NRG1: variants seen among roughly 807,000 people sequenced by gnomAD.
NRG1 encodes neuregulin 1.
In NRG1, 18 loss-of-function variants were observed where a neutral mutation model predicts 63.8. The observed-to-expected ratio is 0.28, with a 90% confidence interval of 0.19 to 0.42. The LOEUF (loss-of-function observed/expected upper bound fraction) is 0.42. Ranked by LOEUF, NRG1 falls within the 10% of genes least tolerant of loss-of-function variation. The pLI is 1.00. For missense variants in NRG1, 762 were observed against 814.7 expected (o/e 0.94, Z 0.79); for synonymous variants, 302 against 301.3 (o/e 1.00, Z -0.02).
chr8:32,677,640 G>C (rs1807490203), intron 5 of NRG1, among the ~76,000 whole-genome samples: 1 of 151,978 alleles, frequency 6.6e-6, no homozygotes, highest in Non-Finnish European at 1.5e-5. Context: ...CTGGGTGACA[G>C]AGCCAGACCC....
intron 7 of NRG1, among the ~76,000 whole-genome samples, chr8:32,746,867 C>CTT (rs376346951): frequency 0.08 from 10,169 of 127,206 alleles, 498 homozygotes; most frequent in Non-Finnish European, 0.096. Flanking sequence ...GTGTATTCTG[C>CTT]TTTTTTTTTT....
At chr8:32,116,449 A>C (rs111298064) in intron 1 of NRG1, among the ~76,000 whole-genome samples, 1 of 152,130 alleles carries the variant, frequency 6.6e-6, no homozygotes, top group African/African-American at 2.4e-5. Flanking sequence ...TCCTGGATGG[A>C]GCTCTTCACC....
chr8:32,635,246 G>A (rs1366633153), intron 5 of NRG1, among the ~76,000 whole-genome samples: 2 of 152,122 alleles, frequency 1.3e-5, no homozygotes, highest in Non-Finnish European at 2.9e-5. Context: ...TCACAGATAC[G>A]GTCATTTAGT....
chr8:32,659,607 C>A (rs2128871372), intron 5 of NRG1, among the ~76,000 whole-genome samples: 1 of 152,174 alleles, frequency 6.6e-6, no homozygotes, highest in Middle Eastern at 3.4e-3. Flanking sequence ...ATTTTCATTT[C>A]TTGAGGACAC....
At chr8:31,933,855 G>A (rs550581755) in intron 1 of NRG1, among the ~76,000 whole-genome samples, 1 of 152,260 alleles carries the variant, frequency 6.6e-6, no homozygotes, top group Admixed American at 6.5e-5. Context: ...GTAGTCAATA[G>A]TAACATTGAA....
At chr8:32,374,683 C>T (rs1339774240) in intron 1 of NRG1, among the ~76,000 whole-genome samples, 2 of 152,082 alleles carry the variant, frequency 1.3e-5, no homozygotes, top group Non-Finnish European at 2.9e-5. Flanking sequence ...TTTCATTGTC[C>T]CAATGAGACA....
chr8:31,731,417 T>TACACACAC (rs139927733), intron 1 of NRG1, among the ~76,000 whole-genome samples: 1,771 of 148,386 alleles, frequency 0.012, 13 homozygotes, highest in East Asian at 0.058. Context: ...AATTATGTCA[T>TACACACAC]ACACACACAC....
At chr8:32,650,402 G>A (rs1854763265) in intron 5 of NRG1, among the ~76,000 whole-genome samples, 1 of 152,046 alleles carries the variant, frequency 6.6e-6, no homozygotes, top group Non-Finnish European at 1.5e-5. Flanking sequence ...AAAGTTAGGG[G>A]TAGACAGTTA....
chr8:31,726,028 T>C (rs900440628), intron 1 of NRG1, among the ~76,000 whole-genome samples: 1 of 152,140 alleles, frequency 6.6e-6, no homozygotes, highest in African/African-American at 2.4e-5. Context: ...GATTGCTACA[T>C]ATTTAAATAT....
intron 1 of NRG1, among the ~76,000 whole-genome samples, chr8:32,057,295 C>T (rs193199218): frequency 3.5e-4 from 53 of 152,178 alleles, no homozygotes; most frequent in African/African-American, 1.2e-3. Context: ...TATACTTGGT[C>T]AGCTATTGCT....
At chr8:32,058,938 C>T (rs528785334) in intron 1 of NRG1, among the ~76,000 whole-genome samples, 4 of 152,086 alleles carry the variant, frequency 2.6e-5, no homozygotes, top group South Asian at 2.1e-4. Flanking sequence ...GATATTTGCA[C>T]GTTCTGCTAA....
intron 1 of NRG1, among the ~76,000 whole-genome samples, chr8:32,329,441 G>GA (rs1222373548): frequency 6.6e-6 from 1 of 152,038 alleles, no homozygotes; most frequent in Non-Finnish European, 1.5e-5. Flanking sequence ...TCAGAAAAGT[G>GA]AAAAAAAGTT....
chr8:32,024,306 T>C lies in NRG1; in HGVS notation c.37+384875T>C, dbSNP rs74801659. ...TGAGTGGAAAGTTGCAAAGTGAGCC[T>C]TTGAGTTCAAGAAAACAGATGAAAA... On this transcript the variant is annotated intron_variant, in intron 1 of 10. Transcript: ENST00000519301. Among the ~76,000 whole-genome samples, 385 of 152,318 alleles carry C rather than the reference T, an allele frequency of 2.5e-3. 2 individuals are homozygous for C. The highest frequency in any genetic ancestry group is 8.7e-3 in the African/African-American group (363 of 41,564).
At chr8:31,777,783 TC>T (rs1248578192) in intron 1 of NRG1, among the ~76,000 whole-genome samples, 1 of 152,062 alleles carries the variant, frequency 6.6e-6, no homozygotes, top group Non-Finnish European at 1.5e-5. Context: ...GATGCCAGGC[TC>T]TTTTTAACAG....
At chr8:31,940,494 T>C (rs568998007) in intron 1 of NRG1, among the ~76,000 whole-genome samples, 27 of 151,270 alleles carry the variant, frequency 1.8e-4, no homozygotes, top group African/African-American at 6.3e-4. Flanking sequence ...TTCATGGAAC[T>C]AGAGAAAAAA....
intron 5 of NRG1, among the ~76,000 whole-genome samples, chr8:32,660,517 T>A (rs1312249293): frequency 6.6e-6 from 1 of 152,236 alleles, no homozygotes; most frequent in African/African-American, 2.4e-5. Context: ...ACATATAATT[T>A]GCAAAGTCGG....
At chr8:31,762,605 C>A (rs1817667415) in intron 1 of NRG1, among the ~76,000 whole-genome samples, 1 of 152,068 alleles carries the variant, frequency 6.6e-6, no homozygotes, top group Non-Finnish European at 1.5e-5. Flanking sequence ...GTTCTAGATC[C>A]TAGTTATGCC....
chr8:32,453,915 A>C (rs1821290587), intron 1 of NRG1, among the ~76,000 whole-genome samples: 1 of 152,222 alleles, frequency 6.6e-6, no homozygotes, highest in Non-Finnish European at 1.5e-5. Flanking sequence ...GTGTTCTTCA[A>C]AACAAACATT....
At chr8:32,352,156 A>G (rs1211491747) in intron 1 of NRG1, among the ~76,000 whole-genome samples, 1 of 141,366 alleles carries the variant, frequency 7.1e-6, no homozygotes, top group Non-Finnish European at 1.5e-5. Context: ...AATTTGCGGG[A>G]TTACGACAGT....
Sources: allele counts gnomAD v4.1 joint callset (sites outside exome capture counted in the v4.1 genomes callset), GRCh38; gene constraint gnomAD v4.1.1; transcripts MANE v1.5; gene names NCBI Gene and HGNC (gene_info 2026-07-23, HGNC 2026-07-21).